OSBP2: variants seen among roughly 807,000 people sequenced by gnomAD.
The protein encoded by OSBP2 is oxysterol-binding protein 2.
OSBP2 carries 66 observed loss-of-function variants against 96.0 expected under a neutral mutation model. The ratio of observed to expected loss-of-function variants is 0.69; its 90% CI spans 0.56 to 0.84. The LOEUF (loss-of-function observed/expected upper bound fraction) is 0.84. Ranked by LOEUF, OSBP2 falls within the 40% of genes least tolerant of loss-of-function variation. OSBP2 has a pLI of 0.00. For synonymous variants in OSBP2, 525 were observed against 520.9 expected, an observed-to-expected ratio of 1.01 and a Z score of -0.11; for missense variants, 1,038 against 1,222.7, an observed-to-expected ratio of 0.85 and a Z score of 2.25.
chr22:30,741,030 C>G, intron 1 of OSBP2, 131 bp from the exon 2 acceptor site: 1 of 726,844 alleles, frequency 1.4e-6, no homozygotes, highest in Non-Finnish European at 2.3e-6. Context: ...GGCATCATCT[C>G]CCAACTTTGA....
Position 30,709,798 on chromosome 22 carries a change from A to C in OSBP2, c.644+14245A>C, listed in dbSNP as rs2089316960. Among the ~76,000 whole-genome samples the C allele has an allele frequency of 3.3e-5, 5 of 152,176 alleles. No individual in the cohort carries two copies. In the South Asian group the frequency reaches 1.0e-3, roughly 32 times the overall value. ...AGTGAGCCCACACTTGGCTTCCCAA[A>C]GTGCTGGTATTACAGATGTAAGGCC... On this transcript the variant is annotated intron_variant, in intron 1 of 13. Transcript: ENST00000332585.
chr22:30,821,592 G>T (rs1418226955), intron 2 of OSBP2, among the ~76,000 whole-genome samples: 1 of 152,078 alleles, frequency 6.6e-6, no homozygotes, highest in Non-Finnish European at 1.5e-5. Context: ...GGGGGTGCGG[G>T]GATAGGGAAG....
intron 2 of OSBP2, among the ~76,000 whole-genome samples, chr22:30,825,774 C>G (rs1290029277): frequency 6.6e-6 from 1 of 152,186 alleles, no homozygotes; most frequent in African/African-American, 2.4e-5. Flanking sequence ...GACCATAGTA[C>G]TGCCAAGGTC....
At chr22:30,757,325 G>A (rs1405839811) in intron 2 of OSBP2, among the ~76,000 whole-genome samples, 1 of 152,132 alleles carries the variant, frequency 6.6e-6, no homozygotes, top group Non-Finnish European at 1.5e-5. Flanking sequence ...TGATTCCAGT[G>A]GAGACATTTC....
At chr22:30,707,893 C>CT (rs978279814) in intron 1 of OSBP2, among the ~76,000 whole-genome samples, 106 of 144,920 alleles carry the variant, frequency 7.3e-4, no homozygotes, top group Non-Finnish European at 6.1e-4. Context: ...TTTCTTTTTT[C>CT]TTTTTTTTTT....
intron 2 of OSBP2, among the ~76,000 whole-genome samples, chr22:30,804,930 T>A (rs2090907079): frequency 6.6e-6 from 1 of 152,226 alleles, no homozygotes; most frequent in Non-Finnish European, 1.5e-5. Context: ...GGGAAAAGTG[T>A]GTATTTGAGC....
intron 2 of OSBP2, among the ~76,000 whole-genome samples, chr22:30,848,832 T>G (rs968701235): frequency 1.3e-5 from 2 of 152,272 alleles, no homozygotes; most frequent in Admixed American, 6.5e-5. Flanking sequence ...TTGAATAGTT[T>G]CAGTTTGGGG....
chr22:30,767,192 C>G (rs1338524482), intron 2 of OSBP2, among the ~76,000 whole-genome samples: 1 of 147,692 alleles, frequency 6.8e-6, no homozygotes, highest in Non-Finnish European at 1.5e-5. Flanking sequence ...CACCTGAAAT[C>G]CCAGGCACTC....
chr22:30,877,734 C>A (rs1419648538), intron 3 of OSBP2, among the ~76,000 whole-genome samples: 3 of 152,220 alleles, frequency 2.0e-5, no homozygotes, highest in Non-Finnish European at 4.4e-5. Context: ...TGCTGTCCCT[C>A]CAGTCCCTGC....
At chr22:30,700,552 A>G (rs1467135941) in intron 1 of OSBP2, among the ~76,000 whole-genome samples, 1 of 152,170 alleles carries the variant, frequency 6.6e-6, no homozygotes, top group East Asian at 1.9e-4. Context: ...TATATTAATG[A>G]CAACATTTAT....
In OSBP2 at chr22:30,695,390, C is replaced by T. The variant is rs1318838488; in HGVS notation, c.481C>T (p.Pro161Ser). Reference sequence around the variant, plus strand: ...TCTGCGACCAGGACAGGCGAAGACTCCTCTTGGGGTTCCAATGTCGGGGAC... The same window carrying T: ...TCTGCGACCAGGACAGGCGAAGACTTCTCTTGGGGTTCCAATGTCGGGGAC... ...PLLRPGQAKT[P>S]LGVPMSGTGT... is the part of the protein sequence containing the mutation. The change falls in exon 1 of 14, where the codon CCT (proline) becomes TCT (serine). Residue 161 changes from proline (P) to serine (S), a missense_variant. Coordinates refer to ENST00000332585, the MANE Select transcript of OSBP2 (RefSeq NM_030758.4). 2 of 1,613,830 alleles carry T rather than the reference C, an allele frequency of 1.2e-6. No homozygotes were observed. Among genetic ancestry groups the T allele is most frequent in the African/African-American group, 2.7e-5 (2 of 74,954 alleles).
intron 2 of OSBP2, among the ~76,000 whole-genome samples, chr22:30,747,550 C>T (rs530946185): frequency 2.6e-5 from 4 of 152,264 alleles, no homozygotes; most frequent in African/African-American, 7.2e-5. Context: ...TCCACACACA[C>T]GTATAAAATT....
At chr22:30,746,051 G>A (rs2089995366) in intron 2 of OSBP2, among the ~76,000 whole-genome samples, 2 of 152,148 alleles carry the variant, frequency 1.3e-5, no homozygotes, top group African/African-American at 2.4e-5. Context: ...CATTGAATCT[G>A]TAATCAAAGA....
At chr22:30,731,992 A>G (rs2145725101) in intron 1 of OSBP2, among the ~76,000 whole-genome samples, 1 of 152,278 alleles carries the variant, frequency 6.6e-6, no homozygotes, top group Middle Eastern at 3.4e-3. Context: ...ATCAGCCGTT[A>G]CCAATCATGG....
Position 30,739,836 on chromosome 22 carries a change from T to TTTTG in OSBP2, c.645-1311_645-1308dup, listed in dbSNP as rs373181206. Among the ~76,000 whole-genome samples the TTTTG allele has an allele frequency of 5.7e-3, 852 of 149,056 alleles. 6 individuals are homozygous for TTTTG. Among genetic ancestry groups the TTTTG allele is most frequent in the African/African-American group, 0.02 (805 of 40,412 alleles). ...GGAGCAGAGTTTTTGTTTTGTTTTG[T>TTTTG]TTTGTTTGTTTGTTTGTGTTTGAGA... is the stretch of plus-strand genomic sequence containing the variant. On this transcript the variant is annotated intron_variant, in intron 1 of 13. Coordinates refer to ENST00000332585, the MANE Select transcript of OSBP2 (RefSeq NM_030758.4).
At chr22:30,834,883 T>C (rs1442938860) in intron 2 of OSBP2, among the ~76,000 whole-genome samples, 1 of 152,032 alleles carries the variant, frequency 6.6e-6, no homozygotes, top group Admixed American at 6.6e-5. Flanking sequence ...TGGCGTGATC[T>C]TGGCTCACTG....
chr22:30,789,790 G>A lies in OSBP2; in HGVS notation c.853+48421G>A, dbSNP rs187589731. ...TTCAATTCCAGCCCCAAGAGCACAG[G>A]CAGGGAGAAATGCTCTCTAAGAAGG... On this transcript the variant is annotated intron_variant, in intron 2 of 13. Coordinates refer to ENST00000332585, the MANE Select transcript of OSBP2 (RefSeq NM_030758.4). Among the ~76,000 whole-genome samples the A allele has an allele frequency of 2.6e-5, 4 of 152,264 alleles. No individual in the cohort carries two copies. In the East Asian group the frequency reaches 7.7e-4, roughly 29 times the overall value.
In OSBP2 at chr22:30,893,936, C is replaced by A. The variant is rs34929946; in HGVS notation, c.2310C>A (p.Asp770Glu). The A allele has an allele frequency of 6.3e-7, 1 of 1,598,260 alleles. No individual in the cohort carries two copies. Among genetic ancestry groups the A allele is most frequent in the South Asian group, 1.1e-5 (1 of 88,390 alleles). Residue 770 changes from aspartate (D) to glutamate (E), a missense_variant, in exon 12 of 14, where the codon GAC becomes GAA. Physicochemically the swap from Asp to Glu is conservative, Grantham distance 45. Coordinates refer to ENST00000332585, the MANE Select transcript of OSBP2 (RefSeq NM_030758.4). ...MHSSPSSPSS[D>E]GKQKTVYQTL... Reference sequence around the variant, plus strand: ...GCAGTCCCAGCAGCCCCAGCTCTGACGGGAAGCAGAAGACAGTGTACCAGA... The same window carrying A: ...GCAGTCCCAGCAGCCCCAGCTCTGAAGGGAAGCAGAAGACAGTGTACCAGA...
At chr22:30,902,591 A>G in intron 12 of OSBP2, 1 of 780,306 alleles carries the variant, frequency 1.3e-6, no homozygotes, top group Non-Finnish European at 2.2e-6. Context: ...GCCACTTCAG[A>G]GATGGTCCTC....
Sources: gnomAD v4.1 joint callset for allele counts (sites outside exome capture counted in the v4.1 genomes callset) on GRCh38, gnomAD v4.1.1 for gene constraint, MANE v1.5 for transcripts, NCBI Gene and HGNC (gene_info 2026-07-23, HGNC 2026-07-21) for gene names.